The following LRBA variants were observed in gnomAD, a reference collection of about 807,000 sequenced individuals.
LRBA encodes the protein lipopolysaccharide-responsive and beige-like anchor protein.
LRBA carries 176 observed loss-of-function variants against 330.0 expected under a neutral mutation model. The observed-to-expected ratio is 0.53, with a 90% CI of 0.47 to 0.60. The LOEUF (loss-of-function observed/expected upper bound fraction) is 0.60. Among genes scored for constraint, LRBA ranks in the 20% least tolerant of loss-of-function variants. The pLI is 0.00. For synonymous variants in LRBA, 1,230 were observed against 1,193.0 expected, an observed-to-expected ratio of 1.03 and a Z score of -0.64; for missense variants, 3,259 against 3,444.8, an observed-to-expected ratio of 0.95 and a Z score of 1.35.
intron 48 of LRBA, among the ~76,000 whole-genome samples, chr4:150,344,304 CAT>C (rs1735984459): frequency 6.6e-6 from 1 of 152,182 alleles, no homozygotes; most frequent in African/African-American, 2.4e-5. Context: ...TGAATTGTAA[CAT>C]ATGTGAACTA....
intron 56 of LRBA, among the ~76,000 whole-genome samples, chr4:150,268,267 A>C (rs1245657827): frequency 6.6e-6 from 1 of 152,182 alleles, no homozygotes; most frequent in Non-Finnish European, 1.5e-5. Flanking sequence ...TGACAAGTGA[A>C]GAGATTGAAT....
intron 47 of LRBA, among the ~76,000 whole-genome samples, chr4:150,368,244 T>C (rs2151857975): frequency 6.6e-6 from 1 of 152,270 alleles, no homozygotes; most frequent in South Asian, 2.1e-4. Context: ...GTTCATTATC[T>C]GAGCTCCAGA....
intron 28 of LRBA, among the ~76,000 whole-genome samples, chr4:150,838,856 G>C (rs1034984748): frequency 1.3e-5 from 2 of 152,232 alleles, no homozygotes; most frequent in African/African-American, 4.8e-5. Context: ...TCCTTTGGAG[G>C]GGGAGAGGTG....
chr4:150,317,043 G>A (rs1370413212), intron 50 of LRBA, among the ~76,000 whole-genome samples: 1 of 152,070 alleles, frequency 6.6e-6, no homozygotes, highest in African/African-American at 2.4e-5. Context: ...CATATAATGA[G>A]GTCCTATGTG....
chr4:150,883,784 G>A (rs549170976), intron 17 of LRBA, among the ~76,000 whole-genome samples: 2 of 152,036 alleles, frequency 1.3e-5, no homozygotes, highest in South Asian at 4.2e-4. Flanking sequence ...ATTTAAATGG[G>A]ACTAAATCTT....
chr4:150,973,228 C>T (rs1739775720), intron 2 of LRBA, among the ~76,000 whole-genome samples: 1 of 152,184 alleles, frequency 6.6e-6, no homozygotes, highest in South Asian at 2.1e-4. Flanking sequence ...AGTGCAATGG[C>T]ATGATCTCAG....
intron 47 of LRBA, among the ~76,000 whole-genome samples, chr4:150,405,917 T>C (rs2151937077): frequency 6.6e-6 from 1 of 152,092 alleles, no homozygotes; most frequent in South Asian, 2.1e-4. Context: ...TAGCTGGGTG[T>C]AGTGGCACAC....
chr4:150,364,356 A>G (rs1739134665), intron 47 of LRBA, among the ~76,000 whole-genome samples: 1 of 152,248 alleles, frequency 6.6e-6, no homozygotes, highest in African/African-American at 2.4e-5. Context: ...TAATCCTATA[A>G]GCACCACATT....
intron 29 of LRBA, among the ~76,000 whole-genome samples, 175 bp from the exon 30 acceptor site, chr4:150,828,796 T>C (rs1560877982): frequency 6.6e-6 from 1 of 152,168 alleles, no homozygotes; most frequent in Non-Finnish European, 1.5e-5. Context: ...GGTGCACCTA[T>C]TATCAAGACA....
chr4:150,310,665 G>C (rs1373859101), intron 51 of LRBA: 3 of 272,738 alleles, frequency 1.1e-5, no homozygotes, highest in Non-Finnish European at 2.1e-5. Flanking sequence ...CTAGCTCTTG[G>C]GCAGAACCAA....
intron 36 of LRBA, among the ~76,000 whole-genome samples, chr4:150,732,782 T>C (rs1433458211): frequency 6.6e-6 from 1 of 152,082 alleles, no homozygotes; most frequent in South Asian, 2.1e-4. Context: ...CTAAATATCC[T>C]ACATTTTGGT....
At chr4:150,743,842 A>C (rs1732335758) in intron 35 of LRBA, among the ~76,000 whole-genome samples, 1 of 152,242 alleles carries the variant, frequency 6.6e-6, no homozygotes, top group Non-Finnish European at 1.5e-5. Flanking sequence ...GCTTTACAAC[A>C]ATCAATAATC....
At chr4:150,861,698 C>T (rs368057832) in intron 22 of LRBA, among the ~76,000 whole-genome samples, 8 of 152,172 alleles carry the variant, frequency 5.3e-5, no homozygotes, top group South Asian at 2.1e-4. Context: ...TTTCTTTGTT[C>T]AATAAGAAAT....
At chr4:150,648,319 G>A (rs1371581437) in intron 37 of LRBA, among the ~76,000 whole-genome samples, 3 of 151,952 alleles carry the variant, frequency 2.0e-5, no homozygotes, top group Admixed American at 2.0e-4. Flanking sequence ...ACCTCTGCCA[G>A]AGCAGTTTCT....
intron 9 of LRBA, among the ~76,000 whole-genome samples, chr4:150,909,138 A>G (rs1487823537): frequency 2.6e-5 from 4 of 152,222 alleles, no homozygotes; most frequent in Non-Finnish European, 5.9e-5. Flanking sequence ...GATCAAAAGC[A>G]TATAATATAC....
chr4:150,338,996 AG>A (rs1278344371), intron 48 of LRBA, among the ~76,000 whole-genome samples: 6 of 129,472 alleles, frequency 4.6e-5, no homozygotes, highest in Non-Finnish European at 8.6e-5. Flanking sequence ...CACACACACA[AG>A]TAGTGAACCC....
At chr4:150,280,097 A>G (rs1747315568) in intron 55 of LRBA, among the ~76,000 whole-genome samples, 1 of 152,224 alleles carries the variant, frequency 6.6e-6, no homozygotes, top group Admixed American at 6.5e-5. Flanking sequence ...ATTTTAATGA[A>G]TCAGATGCCT....
chr4:150,704,521 G>A (rs537785893), intron 36 of LRBA, among the ~76,000 whole-genome samples: 1 of 151,824 alleles, frequency 6.6e-6, no homozygotes, highest in East Asian at 1.9e-4. Flanking sequence ...TTAACCTTCT[G>A]GGAAGTACCT....
intron 36 of LRBA, among the ~76,000 whole-genome samples, chr4:150,699,831 T>A (rs1052378298): frequency 3.3e-5 from 5 of 152,188 alleles, no homozygotes; most frequent in African/African-American, 9.6e-5. Flanking sequence ...AGAGTAATCA[T>A]GTCTCACTGG....
Sources: allele counts gnomAD v4.1 joint callset (sites outside exome capture counted in the v4.1 genomes callset), GRCh38; gene constraint gnomAD v4.1.1; transcripts MANE v1.5; gene names NCBI Gene and HGNC (gene_info 2026-07-23, HGNC 2026-07-21).